Variants in EHMT1 observed in about 807,000 individuals in gnomAD.
EHMT1 encodes the protein histone-lysine N-methyltransferase EHMT1.
Under a neutral mutation model 147.2 loss-of-function variants are expected in EHMT1, and 15 were observed. The observed-to-expected ratio is 0.10, with a 90% CI of 0.07 to 0.16. The LOEUF is 0.16. Ranked by LOEUF, EHMT1 falls within the 10% of genes least tolerant of loss-of-function variation. The pLI is 1.00. For synonymous variants in EHMT1, 795 were observed against 709.6 expected, an observed-to-expected ratio of 1.12 and a Z score of -1.91; for missense variants, 1,587 against 1,772.4, an observed-to-expected ratio of 0.90 and a Z score of 1.88.
rs1426047258 is a variant in EHMT1, at chr9:137,780,132, GA to G, written c.2275+416del. On this transcript the variant is annotated intron_variant, in intron 14 of 26. Transcript: ENST00000460843. ...CGCTGGGATGTGTGGTGATGACGCT[GA>G]GATGTGTGGTGATGACGCTGAGATG... 2.2e-3 allele frequency among the ~76,000 whole-genome samples: 314 copies of G among 145,300 alleles called. 1 individual carries two copies. The highest frequency in any genetic ancestry group is 7.9e-3 in the African/African-American group (301 of 38,312).
intron 1 of EHMT1, among the ~76,000 whole-genome samples, chr9:137,671,361 A>C (rs184121243): frequency 6.6e-6 from 1 of 152,264 alleles, no homozygotes; most frequent in African/African-American, 2.4e-5. Flanking sequence ...AGAAAAAATT[A>C]ATGGAAACCC....
chr9:137,783,162 C>G (rs1236998243), intron 15 of EHMT1, among the ~76,000 whole-genome samples: 1 of 152,246 alleles, frequency 6.6e-6, no homozygotes, highest in South Asian at 2.1e-4. Flanking sequence ...TGTGCCCTTT[C>G]AGTGCAGAAA....
chr9:137,654,335 G>A lies in EHMT1; in HGVS notation c.21+35286G>A, dbSNP rs187645354. Among the ~76,000 whole-genome samples the A allele has an allele frequency of 1.4e-4, 21 of 151,888 alleles. 1 individual carries two copies. The highest frequency in any genetic ancestry group is 1.2e-3 in the Admixed American group (18 of 15,258). On this transcript the variant is annotated intron_variant, in intron 1 of 26. Transcript: ENST00000460843. ...GCTGAGTTTACACCACTGCACTCCA[G>A]CCTGGGCGACAGAGCGAGGAGACCC... is the stretch of plus-strand genomic sequence containing the variant.
At chr9:137,834,719 G>C in intron 26 of EHMT1, 54 bp from the exon 27 acceptor site, 2 of 1,612,384 alleles carry the variant, frequency 1.2e-6, no homozygotes, top group South Asian at 2.2e-5. Flanking sequence ...TATCTGGCTT[G>C]TGGGAGGTGC....
intron 1 of EHMT1, among the ~76,000 whole-genome samples, chr9:137,628,711 A>T (rs1843424966): frequency 6.6e-6 from 1 of 152,174 alleles, no homozygotes; most frequent in Non-Finnish European, 1.5e-5. Flanking sequence ...AAGGTTCTGG[A>T]GTCATAGTAA....
intron 18 of EHMT1, among the ~76,000 whole-genome samples, chr9:137,810,282 G>C (rs549252178): frequency 1.3e-5 from 2 of 152,134 alleles, no homozygotes; most frequent in African/African-American, 2.4e-5. Flanking sequence ...TTCCGATGCC[G>C]CCCTGCGTGA....
chr9:137,800,022 T>C (rs183225718), intron 17 of EHMT1, among the ~76,000 whole-genome samples: 1 of 152,236 alleles, frequency 6.6e-6, no homozygotes, highest in Admixed American at 6.5e-5. Context: ...GTAGCTTTAA[T>C]CATGAAGGCT....
At chr9:137,691,213 G>C (rs1368326325) in intron 1 of EHMT1, among the ~76,000 whole-genome samples, 3 of 151,478 alleles carry the variant, frequency 2.0e-5, no homozygotes, top group Non-Finnish European at 4.4e-5. Flanking sequence ...TTTGTGCTTG[G>C]CTCATTTCTC....
intron 23 of EHMT1, 95 bp from the exon 24 acceptor site, chr9:137,817,344 C>T: frequency 2.1e-6 from 3 of 1,400,668 alleles, no homozygotes; most frequent in Non-Finnish European, 3.0e-6. Context: ...TTTTCTTCCT[C>T]ATTTCAGTGA....
In EHMT1 at chr9:137,776,985, T is replaced by A; in HGVS notation, c.2018+141T>A. 2 of 798,710 alleles carry A rather than the reference T, an allele frequency of 2.5e-6. No homozygotes were observed. The highest frequency in any genetic ancestry group is 4.0e-6 in the Non-Finnish European group (2 of 502,916). The allele number at this position is 798,710 out of a possible 1,614,324, so 49.5% of individuals were successfully genotyped here. A position where few individuals can be genotyped will look rare whatever the true frequency, so the allele number is the denominator to read the frequency against. On this transcript the variant is annotated intron_variant, in intron 12 of 26. Coordinates refer to ENST00000460843, the MANE Select transcript of EHMT1 (RefSeq NM_024757.5). This position sits in a 1 kb window ranked among gnomAD's most constrained non-coding sequence, Gnocchi z 4.4. Reference sequence around the variant, plus strand: ...GATGCTTATGGTGATTTCTGACATTTAAGACTCTGAAATTCATTTATTGCC... The same window carrying A: ...GATGCTTATGGTGATTTCTGACATTAAAGACTCTGAAATTCATTTATTGCC...
chr9:137,680,541 A>G (rs1280444383), intron 1 of EHMT1, among the ~76,000 whole-genome samples: 4 of 152,232 alleles, frequency 2.6e-5, no homozygotes, highest in Non-Finnish European at 5.9e-5. Flanking sequence ...ACCAGAAGGA[A>G]TAGTCCATGA....
intron 4 of EHMT1, among the ~76,000 whole-genome samples, chr9:137,735,127 A>G (rs1947421567): frequency 6.6e-6 from 1 of 152,260 alleles, no homozygotes; most frequent in Non-Finnish European, 1.5e-5. Context: ...AGCTAGTATC[A>G]TTGCAACTTT....
intron 10 of EHMT1, among the ~76,000 whole-genome samples, chr9:137,765,276 A>C (rs1490008079): frequency 1.3e-5 from 2 of 152,220 alleles, no homozygotes; most frequent in Non-Finnish European, 1.5e-5. Context: ...GATTGGCAGA[A>C]TAAATAGCTA....
At chr9:137,705,277 G>A (rs550375740) in intron 1 of EHMT1, among the ~76,000 whole-genome samples, 1 of 152,304 alleles carries the variant, frequency 6.6e-6, no homozygotes, top group East Asian at 1.9e-4. Context: ...ACAGGCATGA[G>A]CCACTACACC....
intron 1 of EHMT1, among the ~76,000 whole-genome samples, chr9:137,668,849 A>C (rs138899989): frequency 6.6e-6 from 1 of 152,236 alleles, no homozygotes; most frequent in Non-Finnish European, 1.5e-5. Context: ...ACTGGTTCAT[A>C]TGGTGACTGT....
At chr9:137,753,386 T>G (rs1476768875) in intron 7 of EHMT1, among the ~76,000 whole-genome samples, 1 of 152,142 alleles carries the variant, frequency 6.6e-6, no homozygotes, top group African/African-American at 2.4e-5. Context: ...GGTGTGGCGC[T>G]TGCTGAAATT....
chr9:137,814,284 C>A, intron 21 of EHMT1, 147 bp from the exon 22 acceptor site: 1 of 833,200 alleles, frequency 1.2e-6, no homozygotes, highest in Non-Finnish European at 2.0e-6. Flanking sequence ...ACAGCCTTCT[C>A]CCTAAGAGGC....
Position 137,836,112 on chromosome 9 carries a change from AAAG to A in EHMT1, c.*1163_*1165del, listed in dbSNP as rs1212958230. On this transcript the variant is annotated 3_prime_UTR_variant, in exon 27 of 27. Transcript: ENST00000460843. ...TGTTTCCAATGAAATCAATAAAAAAAAAGAAGTACTTTAAATGGGGTTTTTATT... is the reference window on the plus strand; with the variant it reads ...TGTTTCCAATGAAATCAATAAAAAAAAAGTACTTTAAATGGGGTTTTTATT... The A allele has an allele frequency of 2.0e-5, 3 of 152,458 alleles. No homozygotes were observed. The highest frequency in any genetic ancestry group is 2.9e-5 in the Non-Finnish European group (2 of 68,040). 9.4% of individuals were successfully genotyped at this position (152,458 alleles called of 1,614,324 possible).
intron 1 of EHMT1, among the ~76,000 whole-genome samples, chr9:137,706,029 C>T (rs553761710): frequency 3.3e-5 from 5 of 150,650 alleles, no homozygotes; most frequent in Non-Finnish European, 5.9e-5. Context: ...TGCCTGGGCT[C>T]CTCTGCCTTG....
Sources: gnomAD v4.1 joint callset for allele counts (sites outside exome capture counted in the v4.1 genomes callset) on GRCh38, gnomAD v4.1.1 for gene constraint, Gnocchi (gnomAD v3.1) non-coding constraint, MANE v1.5 for transcripts, NCBI Gene and HGNC (gene_info 2026-07-23, HGNC 2026-07-21) for gene names.